BTRC: variants seen among roughly 807,000 people sequenced by gnomAD.
BTRC encodes the protein F-box/WD repeat-containing protein 1A.
Under a neutral mutation model 85.5 loss-of-function variants are expected in BTRC, and 42 were observed. The ratio of observed to expected loss-of-function variants is 0.49; its 90% CI spans 0.38 to 0.64. The LOEUF (loss-of-function observed/expected upper bound fraction) is 0.64, where lower values mean the gene tolerates loss of function less well. Among genes scored for constraint, BTRC ranks in the 30% least tolerant of loss-of-function variants. The probability of loss-of-function intolerance (pLI) is 0.00; values close to 1 mark genes in which losing one functional copy is unlikely to be tolerated. For missense variants in BTRC, 594 were observed against 743.5 expected, an observed-to-expected ratio of 0.80 and a Z score of 2.34; for synonymous variants, 255 against 263.3, an observed-to-expected ratio of 0.97 and a Z score of 0.30.
intron 2 of BTRC, among the ~76,000 whole-genome samples, chr10:101,432,926 C>CT (rs1944439003): frequency 6.6e-6 from 1 of 152,172 alleles, no homozygotes. Context: ...CACTGGGGCT[C>CT]TATCACATAC....
chr10:101,360,802 TACTTTTTAAATCTC>T (rs1942184610), intron 1 of BTRC, among the ~76,000 whole-genome samples: 1 of 152,176 alleles, frequency 6.6e-6, no homozygotes, highest in South Asian at 2.1e-4. Flanking sequence ...CAGCCTAAAA[TACTTTTTAAATCTC>T]ACCTACTTTC....
At chr10:101,377,595 A>T (rs1590219634) in intron 1 of BTRC, among the ~76,000 whole-genome samples, 1 of 152,132 alleles carries the variant, frequency 6.6e-6, no homozygotes, top group Non-Finnish European at 1.5e-5. Flanking sequence ...GGGATATCCT[A>T]TTGTGGTTTC....
intron 1 of BTRC, among the ~76,000 whole-genome samples, chr10:101,424,120 G>T (rs1017918963): frequency 5.3e-5 from 8 of 152,080 alleles, no homozygotes; most frequent in African/African-American, 1.7e-4. Context: ...GGCAGTCCCA[G>T]CTACTCAGGA....
At chr10:101,441,750 A>G (rs967784705) in intron 2 of BTRC, among the ~76,000 whole-genome samples, 3 of 152,148 alleles carry the variant, frequency 2.0e-5, no homozygotes, top group African/African-American at 7.2e-5. Context: ...GCGTGGTAGT[A>G]CATGCCTGTG....
At chr10:101,488,054 T>C (rs1946035849) in intron 4 of BTRC, among the ~76,000 whole-genome samples, 1 of 152,178 alleles carries the variant, frequency 6.6e-6, no homozygotes, top group South Asian at 2.1e-4. Flanking sequence ...TCTTTGGCAT[T>C]GTACTCTGGG....
intron 13 of BTRC, among the ~76,000 whole-genome samples, chr10:101,542,595 A>G (rs963125495): frequency 2.6e-5 from 4 of 152,168 alleles, no homozygotes; most frequent in African/African-American, 9.7e-5. Context: ...TGTTTGAGAC[A>G]GGGTATCACT....
At chr10:101,489,899 A>G (rs1946084928) in intron 4 of BTRC, among the ~76,000 whole-genome samples, 1 of 152,040 alleles carries the variant, frequency 6.6e-6, no homozygotes, top group South Asian at 2.1e-4. Context: ...TGGCCAAGAA[A>G]CTCCCTTGTA....
intron 4 of BTRC, among the ~76,000 whole-genome samples, chr10:101,516,731 G>C (rs1436762485): frequency 6.6e-6 from 1 of 152,158 alleles, no homozygotes; most frequent in Non-Finnish European, 1.5e-5. Flanking sequence ...TTACCTAACA[G>C]TCTGATAGCC....
chr10:101,534,584 G>A lies in BTRC; in HGVS notation c.1098-77G>A, dbSNP rs959347675. On this transcript the variant is annotated intron_variant, in intron 9 of 14. Transcript: ENST00000370187. ...GGCCCTCTCTCTAAATATAAGGGGT[G>A]GAAGGGCGCATGATGGTCAAATATA... is the stretch of plus-strand genomic sequence containing the variant. The A allele has an allele frequency of 1.9e-6, 3 of 1,564,776 alleles. No homozygotes were observed. The East Asian group carries it at 6.7e-5, about 35-fold the overall frequency.
At chr10:101,429,861 C>A (rs1426386207) in intron 1 of BTRC, among the ~76,000 whole-genome samples, 1 of 129,584 alleles carries the variant, frequency 7.7e-6, no homozygotes, top group Non-Finnish European at 1.8e-5. Context: ...TTTTTCTTTT[C>A]CTTCTAAAAA....
chr10:101,408,824 A>G (rs1426348599), intron 1 of BTRC, among the ~76,000 whole-genome samples: 1 of 152,098 alleles, frequency 6.6e-6, no homozygotes, highest in Non-Finnish European at 1.5e-5. Flanking sequence ...AGGCAGGTGG[A>G]TCATCTGAGG....
At chr10:101,405,317 G>C (rs1289655613) in intron 1 of BTRC, among the ~76,000 whole-genome samples, 1 of 152,094 alleles carries the variant, frequency 6.6e-6, no homozygotes, top group East Asian at 1.9e-4. Flanking sequence ...TGATCAGAGA[G>C]GAAGGTTTCC....
intron 1 of BTRC, among the ~76,000 whole-genome samples, chr10:101,368,464 CTTTTTTTTTTTTTTTT>C (rs60190021): frequency 2.7e-5 from 2 of 75,362 alleles, no homozygotes; most frequent in African/African-American, 6.4e-5. Context: ...AACTGTTTTT[CTTTTTTTTTTTTTTTT>C]TTTTTTTTTT....
chr10:101,489,854 T>C (rs1285123776), intron 4 of BTRC, among the ~76,000 whole-genome samples: 2 of 152,220 alleles, frequency 1.3e-5, no homozygotes, highest in African/African-American at 4.8e-5. Context: ...TTTTTTTGTT[T>C]ATACTGTAAT....
intron 1 of BTRC, among the ~76,000 whole-genome samples, chr10:101,403,089 CTTAAA>C (rs934549151): frequency 1.3e-5 from 2 of 152,076 alleles, no homozygotes; most frequent in African/African-American, 2.4e-5. Context: ...TTTTTAAAGA[CTTAAA>C]TTAAAATTTC....
At chr10:101,380,558 G>C (rs974354931) in intron 1 of BTRC, among the ~76,000 whole-genome samples, 14 of 152,088 alleles carry the variant, frequency 9.2e-5, no homozygotes, top group Admixed American at 3.3e-4. Flanking sequence ...TTCCCAGACA[G>C]GGCAGCGGCT....
intron 3 of BTRC, among the ~76,000 whole-genome samples, chr10:101,471,866 T>C (rs1945533635): frequency 6.6e-6 from 1 of 152,256 alleles, no homozygotes; most frequent in Non-Finnish European, 1.5e-5. Flanking sequence ...ATGTTTCCTG[T>C]TTATTCAACA....
intron 1 of BTRC, among the ~76,000 whole-genome samples, chr10:101,369,977 A>T (rs1330382132): frequency 6.6e-6 from 1 of 152,104 alleles, no homozygotes; most frequent in African/African-American, 2.4e-5. Flanking sequence ...CCCATGTCAG[A>T]TTGCTGGCCT....
At chr10:101,400,151 T>C (rs960603405) in intron 1 of BTRC, among the ~76,000 whole-genome samples, 10 of 152,228 alleles carry the variant, frequency 6.6e-5, no homozygotes, top group Non-Finnish European at 1.3e-4. Flanking sequence ...GAAATTGTTA[T>C]TTATTTCATA....
Sources: allele counts gnomAD v4.1 joint callset (sites outside exome capture counted in the v4.1 genomes callset), GRCh38; gene constraint gnomAD v4.1.1; transcripts MANE v1.5; gene names NCBI Gene and HGNC (gene_info 2026-07-23, HGNC 2026-07-21).